IQSEC3: variants seen among roughly 807,000 people sequenced by gnomAD.
IQSEC3 encodes the protein IQ motif and Sec7 domain ArfGEF 3.
Under a neutral mutation model 105.4 loss-of-function variants are expected in IQSEC3, and 50 were observed. The observed-to-expected ratio is 0.47, with a 90% CI of 0.38 to 0.60. IQSEC3 has a LOEUF of 0.60. Among genes scored for constraint, IQSEC3 ranks in the 20% least tolerant of loss-of-function variants. IQSEC3 has a pLI of 0.00. For missense variants in IQSEC3, 1,415 were observed against 1,630.0 expected (o/e 0.87, Z 2.27); for synonymous variants, 708 against 746.0 (o/e 0.95, Z 0.83).
At position 130,658 on chromosome 12, in the gene IQSEC3, C is replaced by T. The variant is rs1303868436; in HGVS notation, c.903+4746C>T. On this transcript the variant is annotated intron_variant, in intron 3 of 13. Coordinates refer to ENST00000538872, the MANE Select transcript of IQSEC3 (RefSeq NM_001170738.2). The stretch of plus-strand genomic sequence containing the variant: ...TAGCGTGTCCCCCATGCCTACCTGG[C>T]TGCCCACTCCCAGGCAGGCCTCAAC... Among the ~76,000 whole-genome samples the T allele has an allele frequency of 2.6e-5, 4 of 152,220 alleles. No individual in the cohort carries two copies. The South Asian group carries it at 8.3e-4, about 32-fold the overall frequency.
At chr12:124,682 G>A (rs1267455830) in intron 2 of IQSEC3, among the ~76,000 whole-genome samples, 1 of 152,220 alleles carries the variant, frequency 6.6e-6, no homozygotes, top group African/African-American at 2.4e-5. Context: ...TAGTGTTCCA[G>A]GAGACACAGC....
At chr12:148,803 C>T (rs1159740133) in intron 5 of IQSEC3, 6 of 152,160 alleles carry the variant, frequency 3.9e-5, no homozygotes, top group African/African-American at 1.2e-4. Flanking sequence ...TGGGCTTAGT[C>T]TCAGCCAGGA....
At chr12:141,068 G>T (rs1044564227) in intron 4 of IQSEC3, 56 bp from the exon 5 acceptor site, 1 of 1,519,972 alleles carries the variant, frequency 6.6e-7, no homozygotes, top group African/African-American at 1.4e-5. Flanking sequence ...AGGGAGGAAA[G>T]AGTCATGGAT....
intron 2 of IQSEC3, among the ~76,000 whole-genome samples, chr12:100,784 C>T (rs781887424): frequency 2.0e-5 from 3 of 152,128 alleles, no homozygotes; most frequent in Non-Finnish European, 2.9e-5. Flanking sequence ...AAAAACTGCT[C>T]ACCTGCAAAT....
chr12:97,141 G>A (rs1273109742), intron 1 of IQSEC3, among the ~76,000 whole-genome samples: 1 of 152,118 alleles, frequency 6.6e-6, no homozygotes, highest in East Asian at 1.9e-4. Flanking sequence ...CGTATTTGTT[G>A]GCTCTTTAGG....
chr12:108,108 A>T (rs1401197184), intron 2 of IQSEC3, among the ~76,000 whole-genome samples: 2 of 152,320 alleles, frequency 1.3e-5, no homozygotes, highest in East Asian at 3.9e-4. Flanking sequence ...CCCTAACCCT[A>T]ACCCTAACCC....
chr12:110,096 TTCTC>T (rs1333546757), intron 2 of IQSEC3, among the ~76,000 whole-genome samples: 1 of 152,210 alleles, frequency 6.6e-6, no homozygotes, highest in African/African-American at 2.4e-5. Context: ...GCTTAACTCT[TTCTC>T]TCTCTGGCCC....
intron 1 of IQSEC3, among the ~76,000 whole-genome samples, chr12:78,810 C>T (rs868961604): frequency 2.0e-5 from 3 of 152,198 alleles, no homozygotes; most frequent in Middle Eastern, 3.4e-3. Flanking sequence ...TCAGGCAAGC[C>T]GAGTGCCTGG....
chr12:107,693 A>G (rs868944933), intron 2 of IQSEC3, among the ~76,000 whole-genome samples: 7 of 151,888 alleles, frequency 4.6e-5, no homozygotes, highest in Middle Eastern at 3.4e-3. Context: ...TACAGGCGTG[A>G]GCCACCGCGC....
Position 125,795 on chromosome 12 carries a change from T to C in IQSEC3, c.786T>C (p.Ala262=), listed in dbSNP as rs1555083162. Residue 262 remains alanine, a synonymous_variant, in exon 3 of 14, where the codon GCT becomes GCC. Transcript: ENST00000538872. The stretch of plus-strand genomic sequence containing the variant: ...GGGCAGGGGCTGCCTCCCCAAGGGC[T>C]GGCCCCCAGCACAAGGCCTCCCCCG... ...RPGAGAASPR[A]GPQHKASPGR... 2 of 1,522,708 alleles carry C rather than the reference T, an allele frequency of 1.3e-6. No individual in the cohort carries two copies. 94.3% of individuals were successfully genotyped at this position (1,522,708 alleles called of 1,614,324 possible).
Position 168,873 on chromosome 12 carries a change from A to G in IQSEC3, c.2972-140A>G, listed in dbSNP as rs1443422402. ...ACTTGCTATTCAGTGGTGGGGCCAG[A>G]CCCGAGGTCCGTGTTTCACAGCATG... On this transcript the variant is annotated intron_variant, in intron 11 of 13. Coordinates refer to ENST00000538872, the MANE Select transcript of IQSEC3 (RefSeq NM_001170738.2). 8 of 732,602 alleles carry G rather than the reference A, an allele frequency of 1.1e-5. No individual in the cohort carries two copies. The East Asian group carries it at 1.7e-4, about 16-fold the overall frequency. 45.4% of individuals were successfully genotyped at this position (732,602 alleles called of 1,614,324 possible).
At chr12:158,495 A>C (rs1450546726) in intron 7 of IQSEC3, among the ~76,000 whole-genome samples, 1 of 152,076 alleles carries the variant, frequency 6.6e-6, no homozygotes, top group Non-Finnish European at 1.5e-5. Context: ...CCTGATCTGG[A>C]TCATTTTCAC....
intron 2 of IQSEC3, among the ~76,000 whole-genome samples, chr12:116,238 G>A (rs534462124): frequency 5.9e-5 from 9 of 152,286 alleles, no homozygotes; most frequent in South Asian, 2.1e-4. Context: ...CTGGTACAGC[G>A]AGCGTTCAAA....
chr12:109,453 G>A (rs1459071932), intron 2 of IQSEC3, among the ~76,000 whole-genome samples: 1 of 152,188 alleles, frequency 6.6e-6, no homozygotes, highest in Non-Finnish European at 1.5e-5. Flanking sequence ...CAGCCTCTCA[G>A]TGAAACAGCA....
At chr12:121,042 C>A (rs919807433) in intron 2 of IQSEC3, among the ~76,000 whole-genome samples, 2 of 152,164 alleles carry the variant, frequency 1.3e-5, no homozygotes, top group Admixed American at 6.5e-5. Flanking sequence ...AGCCCCAGGA[C>A]CCCCCTCCAG....
chr12:103,440 G>C (rs1455086699), intron 2 of IQSEC3, among the ~76,000 whole-genome samples: 2 of 104,476 alleles, frequency 1.9e-5, no homozygotes, highest in Admixed American at 1.0e-4. Context: ...TGGCTCAGGA[G>C]GGGAGGCGGG....
At chr12:151,740 TG>T (rs1866518290) in intron 5 of IQSEC3, among the ~76,000 whole-genome samples, 1 of 152,180 alleles carries the variant, frequency 6.6e-6, no homozygotes, top group African/African-American at 2.4e-5. Context: ...CCATTCTCCC[TG>T]TTACTGTCTG....
At chr12:67,667 G>A (rs1443462441) in intron 1 of IQSEC3, among the ~76,000 whole-genome samples, 1 of 141,662 alleles carries the variant, frequency 7.1e-6, no homozygotes, top group Non-Finnish European at 1.5e-5. Context: ...ACCATTAGTA[G>A]GAGCAAAGGA....
intron 1 of IQSEC3, among the ~76,000 whole-genome samples, chr12:96,427 A>G (rs947848299): frequency 6.6e-6 from 1 of 152,238 alleles, no homozygotes; most frequent in Admixed American, 6.5e-5. Context: ...CTCCTGGATC[A>G]GGGAAAAGAC....
Sources: gnomAD v4.1 joint callset for allele counts (sites outside exome capture counted in the v4.1 genomes callset) on GRCh38, gnomAD v4.1.1 for gene constraint, MANE v1.5 for transcripts, NCBI Gene and HGNC (gene_info 2026-07-23, HGNC 2026-07-21) for gene names.